Variants in LANCL1 observed in about 807,000 individuals in gnomAD.
LANCL1 encodes the protein glutathione S-transferase LANCL1.
Under a neutral mutation model 50.6 loss-of-function variants are expected in LANCL1, and 50 were observed. The observed-to-expected ratio is 0.99, with a 90% CI of 0.79 to 1.25. The LOEUF is 1.25. LANCL1 is among the 50% of genes most tolerant of loss of function. The pLI is 0.00. For synonymous variants in LANCL1, 188 were observed against 178.6 expected, an observed-to-expected ratio of 1.05 and a Z score of -0.42; for missense variants, 532 against 480.7, an observed-to-expected ratio of 1.11 and a Z score of -1.00.
At chr2:210,439,761 G>A (rs1209965538) in intron 6 of LANCL1, among the ~76,000 whole-genome samples, 1 of 152,144 alleles carries the variant, frequency 6.6e-6, no homozygotes, top group African/African-American at 2.4e-5. Context: ...TGTATTATAA[G>A]AGCCAGCTAC....
chr2:210,442,293 C>A (rs1693164739), intron 4 of LANCL1, among the ~76,000 whole-genome samples: 1 of 152,138 alleles, frequency 6.6e-6, no homozygotes, highest in African/African-American at 2.4e-5. Flanking sequence ...CAGAAATCAC[C>A]ATGGTTACCA....
chr2:210,444,176 A>G (rs962730403), intron 4 of LANCL1, among the ~76,000 whole-genome samples: 1 of 152,166 alleles, frequency 6.6e-6, no homozygotes, highest in Non-Finnish European at 1.5e-5. Flanking sequence ...CAGTCTCTGG[A>G]GACCACCAAT....
Position 210,436,297 on chromosome 2 carries a change from G to A in LANCL1, c.969C>T (p.His323=), listed in dbSNP as rs780529363. 7.4e-6 allele frequency: 12 copies of A among 1,613,922 alleles called. No homozygotes were observed. Among genetic ancestry groups the A allele is most frequent in the South Asian group, 2.2e-5 (2 of 91,090 alleles). The change falls in exon 8 of 10, where the codon CAC becomes CAT. Residue 323 remains histidine, a synonymous_variant. Transcript: ENST00000450366. ...GLLKKGYGLC[H]GSAGNAYAFL... is the part of the protein sequence containing the mutation. Reference sequence around the variant, plus strand: ...AGGCATAGGCATTCCCTGCAGAACCGTGGCACAGCCCATATCCCTTCTTCA... The same window carrying A: ...AGGCATAGGCATTCCCTGCAGAACCATGGCACAGCCCATATCCCTTCTTCA...
chr2:210,437,691 T>A lies in LANCL1; in HGVS notation c.872A>T (p.Lys291Met). ...TTATTTCAAAAATACACACAGTACC[T>A]TATAGGCCTGGATGAGCATGTAGAT... is the stretch of plus-strand genomic sequence containing the variant. ...GVIYMLIQAY[K>M]VFREEKYLCD... The change falls in exon 7 of 10, where the codon AAG (lysine) becomes ATG (methionine). Residue 291 changes from lysine to methionine, a missense_variant and splice_region_variant. Transcript: ENST00000450366. The A allele has an allele frequency of 6.3e-7, 1 of 1,580,050 alleles. No homozygotes were observed. The highest frequency in any genetic ancestry group is 8.6e-7 in the Non-Finnish European group (1 of 1,166,248).
chr2:210,476,311 C>T lies in LANCL1; in HGVS notation c.81+5G>A. The T allele has an allele frequency of 6.2e-7, 1 of 1,610,480 alleles. No individual in the cohort carries two copies. Among genetic ancestry groups the T allele is most frequent in the East Asian group, 2.2e-5 (1 of 44,846 alleles). On this transcript the variant is annotated splice_donor_5th_base_variant and intron_variant, in intron 2 of 9. Transcript: ENST00000450366. ...GGGATGCAGGCAGACATATCCTAAA[C>T]TCACCCTCCCGGCAGCATCAAAGTA...
At chr2:210,466,416 C>G (rs894855928) in intron 3 of LANCL1, among the ~76,000 whole-genome samples, 2 of 152,156 alleles carry the variant, frequency 1.3e-5, no homozygotes, top group African/African-American at 4.8e-5. Context: ...TTAGCCCCGG[C>G]CCCGTGAATG....
Position 210,437,701 on chromosome 2 carries a change from G to A in LANCL1, c.862C>T (p.Gln288Ter). 6.3e-7 allele frequency: 1 copy of A among 1,595,778 alleles called. No homozygotes were observed. Among genetic ancestry groups the A allele is most frequent in the South Asian group, 1.1e-5 (1 of 87,392 alleles). Reference protein sequence around the residue: ...GAPGVIYMLIQAYKVFREEKY... With the variant: ...GAPGVIYMLI ...AATACACACAGTACCTTATAGGCCT[G>A]GATGAGCATGTAGATTACCCCAGGG... The change falls in exon 7 of 10, where the codon CAG becomes TAG. Residue 288 changes from glutamine to a stop codon, truncating the protein, a stop_gained. Transcript: ENST00000450366. LOFTEE classifies it high-confidence loss of function.
At chr2:210,456,662 T>C (rs1194099767) in intron 3 of LANCL1, among the ~76,000 whole-genome samples, 1 of 152,134 alleles carries the variant, frequency 6.6e-6, no homozygotes, top group African/African-American at 2.4e-5. Flanking sequence ...TTCATCTCCA[T>C]CCATATCACG....
At chr2:210,455,674 G>T (rs1693651760) in intron 3 of LANCL1, among the ~76,000 whole-genome samples, 1 of 152,076 alleles carries the variant, frequency 6.6e-6, no homozygotes, top group Non-Finnish European at 1.5e-5. Flanking sequence ...TTAAACTAGG[G>T]TTCCAAATAA....
Position 210,455,835 on chromosome 2 carries a change from G to C in LANCL1, c.200-521C>G, listed in dbSNP as rs1278952614. On this transcript the variant is annotated intron_variant, in intron 3 of 9. Coordinates refer to ENST00000450366, the MANE Select transcript of LANCL1 (RefSeq NM_006055.3). ...GTTTTTTTTTTTTTTTTTGTGAAAAGGTAGTTAATGTAACCAAATCCCCTG... is the reference window on the plus strand; with the variant it reads ...GTTTTTTTTTTTTTTTTTGTGAAAACGTAGTTAATGTAACCAAATCCCCTG... Among the ~76,000 whole-genome samples, 18 of 145,364 alleles carry C rather than the reference G, an allele frequency of 1.2e-4. No homozygotes were observed. In the East Asian group the frequency reaches 3.0e-3, roughly 24 times the overall value.
At chr2:210,465,911 G>T (rs1694042461) in intron 3 of LANCL1, among the ~76,000 whole-genome samples, 1 of 152,162 alleles carries the variant, frequency 6.6e-6, no homozygotes, top group Admixed American at 6.5e-5. Context: ...TGACCACCAG[G>T]ATTTAAGGCA....
chr2:210,436,507 G>C (rs546388717), intron 7 of LANCL1, 115 bp from the exon 8 acceptor site: 1 of 968,282 alleles, frequency 1.0e-6, no homozygotes, highest in African/African-American at 1.6e-5. Context: ...AAAGGGTAAA[G>C]GATTTAGTGA....
At position 210,431,992 on chromosome 2, in the gene LANCL1, T is replaced by TAG. The variant is rs544334204; in HGVS notation, c.*2493_*2494dup. On this transcript the variant is annotated 3_prime_UTR_variant, in exon 10 of 10. Transcript: ENST00000450366. ...AAGGTTTTATTACCTAGTCCCTGTA[T>TAG]AGAGATAAGAGATGATGGTATTGAG... The TAG allele has an allele frequency of 6.6e-6, 1 of 152,306 alleles. No individual in the cohort carries two copies. Among genetic ancestry groups the TAG allele is most frequent in the East Asian group, 1.9e-4 (1 of 5,182 alleles). The allele number at this position is 152,306 out of a possible 1,614,324, so 9.4% of individuals were successfully genotyped here.
chr2:210,472,699 C>G (rs915341375), intron 2 of LANCL1, among the ~76,000 whole-genome samples: 1 of 152,178 alleles, frequency 6.6e-6, no homozygotes, highest in Admixed American at 6.5e-5. Flanking sequence ...CATCCTTACC[C>G]GCTATTAGCT....
intron 4 of LANCL1, among the ~76,000 whole-genome samples, chr2:210,452,045 T>A (rs1693526777): frequency 6.6e-6 from 1 of 152,178 alleles, no homozygotes; most frequent in South Asian, 2.1e-4. Flanking sequence ...GGGAATTACT[T>A]TTTAATGGGT....
rs1006916791 is a variant in LANCL1 at position 210,432,266 on chromosome 2, T to C, written c.*2221A>G. On this transcript the variant is annotated 3_prime_UTR_variant, in exon 10 of 10. Coordinates refer to ENST00000450366, the MANE Select transcript of LANCL1 (RefSeq NM_006055.3). ...TACAACAAATAGCATACATATAAAA[T>C]TGTGCCAGTTTAGTAAGTTTTGAAA... 6.6e-6 allele frequency: 1 copy of C among 152,120 alleles called. No homozygotes were observed. The highest frequency in any genetic ancestry group is 2.4e-5 in the African/African-American group (1 of 41,418). The allele number at this position is 152,120 out of a possible 1,614,324, so 9.4% of individuals were successfully genotyped here. A position where few individuals can be genotyped will look rare whatever the true frequency, so the allele number is the denominator to read the frequency against.
chr2:210,434,481 A>C lies in LANCL1; in HGVS notation c.*6T>G. The C allele has an allele frequency of 6.2e-7, 1 of 1,611,320 alleles. No homozygotes were observed. Among genetic ancestry groups the C allele is most frequent in the East Asian group, 2.2e-5 (1 of 44,860 alleles). ...TGCAGTGAGTTGCAGGTGGCATGCT[A>C]TCCTTTCAGAGTTCAAATGCAGGGA... is the stretch of plus-strand genomic sequence containing the variant. On this transcript the variant is annotated 3_prime_UTR_variant, in exon 10 of 10. Transcript: ENST00000450366.
chr2:210,451,668 C>G (rs1693515023), intron 4 of LANCL1, among the ~76,000 whole-genome samples: 1 of 152,108 alleles, frequency 6.6e-6, no homozygotes. Context: ...GTAATTTACC[C>G]AAGATCACAC....
intron 2 of LANCL1, among the ~76,000 whole-genome samples, chr2:210,474,338 G>A (rs1694297716): frequency 6.6e-6 from 1 of 152,148 alleles, no homozygotes; most frequent in African/African-American, 2.4e-5. Context: ...TCTAGGACCT[G>A]TCCAAAAACT....
Sources: gnomAD v4.1 joint callset for allele counts (sites outside exome capture counted in the v4.1 genomes callset) on GRCh38, gnomAD v4.1.1 for gene constraint, MANE v1.5 for transcripts, NCBI Gene and HGNC (gene_info 2026-07-23, HGNC 2026-07-21) for gene names.